ARB2A: variants seen among roughly 807,000 people sequenced by gnomAD.
ARB2A encodes the protein cotranscriptional regulator ARB2A.
chr5:93,985,025 G>A, the ARB2A span, among the ~76,000 whole-genome samples: 36 of 151,980 alleles, frequency 2.4e-4, no homozygotes, highest in Admixed American at 8.5e-4. Flanking sequence ...CTTAATATCC[G>A]TTTCTTATAC....
chr5:94,087,873 T>C, the ARB2A span, among the ~76,000 whole-genome samples: 2 of 152,206 alleles, frequency 1.3e-5, no homozygotes, highest in African/African-American at 4.8e-5. Context: ...ATATACCATA[T>C]GTAGCCCAGG....
At chr5:94,079,512 A>G in the ARB2A span, among the ~76,000 whole-genome samples, 1 of 152,142 alleles carries the variant, frequency 6.6e-6, no homozygotes, top group Non-Finnish European at 1.5e-5. Context: ...TCTGACTCCT[A>G]ATTATGAATG....
chr5:93,727,046 C>T, the ARB2A span, among the ~76,000 whole-genome samples: 1 of 151,806 alleles, frequency 6.6e-6, no homozygotes, highest in South Asian at 2.1e-4. Context: ...AGTTTATTCT[C>T]CTGATTATGT....
chr5:94,103,643 G>T, the ARB2A span, among the ~76,000 whole-genome samples: 2 of 151,800 alleles, frequency 1.3e-5, no homozygotes, highest in African/African-American at 4.8e-5. Flanking sequence ...AGATATTCAG[G>T]ACCTAAACTT....
the ARB2A span, among the ~76,000 whole-genome samples, chr5:93,767,446 C>T: frequency 6.6e-6 from 1 of 152,060 alleles, no homozygotes; most frequent in Non-Finnish European, 1.5e-5. Flanking sequence ...AATGTACAGC[C>T]ACTATGGAAA....
chr5:93,762,207 C>T, the ARB2A span, among the ~76,000 whole-genome samples: 1 of 152,134 alleles, frequency 6.6e-6, no homozygotes, highest in Non-Finnish European at 1.5e-5. Flanking sequence ...TGGAGAATGA[C>T]TTTGATGAGT....
the ARB2A span, among the ~76,000 whole-genome samples, chr5:94,046,674 G>C: frequency 6.6e-6 from 1 of 152,160 alleles, no homozygotes; most frequent in Non-Finnish European, 1.5e-5. Flanking sequence ...TTTAAAGGCA[G>C]ACTGTTTGTG....
the ARB2A span, among the ~76,000 whole-genome samples, chr5:93,782,494 T>C: frequency 6.6e-6 from 1 of 152,184 alleles, no homozygotes; most frequent in African/African-American, 2.4e-5. Context: ...CATATGCTTG[T>C]TCTGAATTAC....
chr5:94,067,065 A>G, the ARB2A span, among the ~76,000 whole-genome samples: 1 of 152,372 alleles, frequency 6.6e-6, no homozygotes, highest in East Asian at 1.9e-4. Flanking sequence ...GATACAGCAC[A>G]TCAACAGAAT....
chr5:93,854,705 C>A, the ARB2A span, among the ~76,000 whole-genome samples: 2 of 152,106 alleles, frequency 1.3e-5, no homozygotes, highest in African/African-American at 4.8e-5. Context: ...GCCTTCATTT[C>A]GTTTTATGTA....
chr5:93,787,653 T>C, the ARB2A span, among the ~76,000 whole-genome samples: 1 of 152,194 alleles, frequency 6.6e-6, no homozygotes, highest in Non-Finnish European at 1.5e-5. Context: ...TGTTCTTTCA[T>C]CTGTATTACA....
At chr5:93,966,776 GT>G in the ARB2A span, among the ~76,000 whole-genome samples, 1 of 152,046 alleles carries the variant, frequency 6.6e-6, no homozygotes, top group African/African-American at 2.4e-5. Context: ...ATGGCAAAGT[GT>G]CTCACCTCTA....
the ARB2A span, among the ~76,000 whole-genome samples, chr5:93,678,351 T>C: frequency 2.0e-5 from 3 of 152,190 alleles, no homozygotes; most frequent in Non-Finnish European, 4.4e-5. Context: ...GAAGATTTCT[T>C]AGGAAAATAG....
the ARB2A span, among the ~76,000 whole-genome samples, chr5:94,094,727 A>C: frequency 6.6e-6 from 1 of 152,194 alleles, no homozygotes; most frequent in Non-Finnish European, 1.5e-5. Flanking sequence ...GCACCTAGAG[A>C]GACAGACAGA....
the ARB2A span, among the ~76,000 whole-genome samples, chr5:93,788,050 A>C: frequency 6.6e-6 from 1 of 152,190 alleles, no homozygotes; most frequent in Non-Finnish European, 1.5e-5. Flanking sequence ...AAACATAATT[A>C]ATCTGTTCTT....
chr5:93,782,013 AACACTGG>A, the ARB2A span: 3 of 781,396 alleles, frequency 3.8e-6, no homozygotes, highest in Non-Finnish European at 4.7e-6. Context: ...AGAGTTTGGA[AACACTGG>A]ACTCTTATCT....
At chr5:93,789,027 G>A in the ARB2A span, among the ~76,000 whole-genome samples, 1 of 152,194 alleles carries the variant, frequency 6.6e-6, no homozygotes, top group South Asian at 2.1e-4. Flanking sequence ...TCCTAAAAGA[G>A]CCAGTGTGGG....
chr5:94,064,077 C>CA, the ARB2A span, among the ~76,000 whole-genome samples: 2 of 151,484 alleles, frequency 1.3e-5, no homozygotes, highest in East Asian at 1.9e-4. Flanking sequence ...CAAGGGAATA[C>CA]AAAAAAGCAG....
At chr5:94,092,616 CTTAA>C in the ARB2A span, among the ~76,000 whole-genome samples, 1 of 152,132 alleles carries the variant, frequency 6.6e-6, no homozygotes, top group Non-Finnish European at 1.5e-5. Context: ...AAGTAAAAAA[CTTAA>C]TTAAATGCTT....
Sources: allele counts gnomAD v4.1 joint callset (sites outside exome capture counted in the v4.1 genomes callset), GRCh38; gene constraint gnomAD v4.1.1; transcripts MANE v1.5; gene names NCBI Gene and HGNC (gene_info 2026-07-23, HGNC 2026-07-21).